SLC25A48: variants seen among roughly 807,000 people sequenced by gnomAD.
SLC25A48 encodes solute carrier family 25 member 48, also known as CTC-321K16.1.
SLC25A48 carries 29 observed loss-of-function variants against 32.2 expected under a neutral mutation model. That is an observed-to-expected ratio of 0.90 (90% confidence interval 0.67 to 1.23). The LOEUF (loss-of-function observed/expected upper bound fraction) is 1.23. Among genes scored for constraint, SLC25A48 ranks in the 50% most tolerant of loss-of-function variants. SLC25A48 has a pLI of 0.00. For missense variants in SLC25A48, 399 were observed against 422.7 expected (o/e 0.94, Z 0.49); for synonymous variants, 164 against 172.3 (o/e 0.95, Z 0.38).
At chr5:135,640,168 G>A (rs1417210602) in intron 3 of SLC25A48, among the ~76,000 whole-genome samples, 1 of 152,144 alleles carries the variant, frequency 6.6e-6, no homozygotes, top group Non-Finnish European at 1.5e-5. Flanking sequence ...TGCAGACTGT[G>A]GACGAAAGGG....
chr5:135,835,903 C>G (rs971848079), intron 1 of SLC25A48, among the ~76,000 whole-genome samples: 1 of 152,110 alleles, frequency 6.6e-6, no homozygotes, highest in Non-Finnish European at 1.5e-5. Flanking sequence ...CCTTCCTGAG[C>G]AGAGGTGGCT....
chr5:135,716,704 T>C (rs1054810191), intron 3 of SLC25A48, among the ~76,000 whole-genome samples: 11 of 152,208 alleles, frequency 7.2e-5, no homozygotes, highest in Non-Finnish European at 1.6e-4. Context: ...ATTCTATCTA[T>C]GTAAAAGGTC....
intron 3 of SLC25A48, among the ~76,000 whole-genome samples, chr5:135,778,444 G>A (rs1398666497): frequency 6.6e-6 from 1 of 151,416 alleles, no homozygotes. Flanking sequence ...GGTGTACACC[G>A]CCACCCCACC....
At chr5:135,643,071 G>A (rs1301811300) in intron 3 of SLC25A48, among the ~76,000 whole-genome samples, 1 of 152,220 alleles carries the variant, frequency 6.6e-6, no homozygotes, top group African/African-American at 2.4e-5. Context: ...CAGCAGTCTG[G>A]GGTGCGCTGA....
intron 4 of SLC25A48, among the ~76,000 whole-genome samples, chr5:135,816,909 G>T (rs1322175059): frequency 2.0e-5 from 3 of 152,080 alleles, no homozygotes; most frequent in African/African-American, 7.2e-5. Flanking sequence ...TACACAATTA[G>T]ATCTCAATAA....
At position 135,782,979 on chromosome 5, in the gene SLC25A48, A is replaced by G. The variant is rs1161874225; in HGVS notation, c.-520-29544A>G. 4.0e-4 allele frequency among the ~76,000 whole-genome samples: 45 copies of G among 111,950 alleles called. 16 individuals are homozygous for G. Among genetic ancestry groups the G allele is most frequent in the Non-Finnish European group, 8.3e-4 (37 of 44,622 alleles). The allele number at this position is 111,950 out of a possible 152,430, so 73.4% of individuals were successfully genotyped here. On this transcript the variant is annotated intron_variant, in intron 3 of 10. Transcript: ENST00000646290. Reference sequence around the variant, plus strand: ...CACTGTGATATTGTTCCTAACATCCAGGGGGGGAGAATGATATTATTTCCA... The same window carrying G: ...CACTGTGATATTGTTCCTAACATCCGGGGGGGGAGAATGATATTATTTCCA...
intron 3 of SLC25A48, among the ~76,000 whole-genome samples, chr5:135,796,010 G>GGC (rs1384487725): frequency 4.4e-5 from 1 of 22,972 alleles, no homozygotes; most frequent in Admixed American, 4.6e-4. Flanking sequence ...AGTATCGCGA[G>GGC]GGGGGGGTGG....
At chr5:135,857,290 T>G (rs1172293387) in intron 4 of SLC25A48, among the ~76,000 whole-genome samples, 1 of 152,128 alleles carries the variant, frequency 6.6e-6, no homozygotes, top group Non-Finnish European at 1.5e-5. Flanking sequence ...CTAGAAGCAT[T>G]TGGAGACTAG....
intron 7 of SLC25A48, among the ~76,000 whole-genome samples, chr5:135,880,515 G>C (rs928659157): frequency 6.6e-6 from 1 of 152,132 alleles, no homozygotes; most frequent in African/African-American, 2.4e-5. Context: ...GCCTGACTCT[G>C]AGAGCCACCC....
intron 3 of SLC25A48, among the ~76,000 whole-genome samples, chr5:135,746,525 C>T (rs530182070): frequency 2.0e-5 from 3 of 152,290 alleles, no homozygotes; most frequent in Non-Finnish European, 4.4e-5. Flanking sequence ...AGGTACAATC[C>T]GATTCTCCGG....
chr5:135,867,848 G>T (rs1199496299), intron 4 of SLC25A48, among the ~76,000 whole-genome samples: 1 of 152,130 alleles, frequency 6.6e-6, no homozygotes. Context: ...TACCACTATT[G>T]GTAGTGCTAG....
intron 3 of SLC25A48, among the ~76,000 whole-genome samples, chr5:135,753,406 A>C (rs922791608): frequency 2.0e-5 from 3 of 152,040 alleles, no homozygotes; most frequent in Non-Finnish European, 4.4e-5. Context: ...CACAGAGCGC[A>C]AACCCATGGT....
intron 3 of SLC25A48, among the ~76,000 whole-genome samples, chr5:135,761,456 T>A (rs1047675906): frequency 4.8e-4 from 73 of 152,072 alleles, no homozygotes; most frequent in African/African-American, 1.6e-3. Flanking sequence ...ATAATTAAAA[T>A]ATATATATAA....
chr5:135,664,597 A>G (rs1044307549), intron 3 of SLC25A48, among the ~76,000 whole-genome samples: 10 of 152,052 alleles, frequency 6.6e-5, no homozygotes, highest in African/African-American at 2.2e-4. Context: ...ACTTCCCCCT[A>G]AGTCTCCGTA....
rs1241913531 is a variant in SLC25A48, at chr5:135,886,678, GAGAGA to G, written c.*8-1353_*8-1349del. ...TGTGTGTGTGTGTGTGTGTGTGAGAGAGAGAGAGAGAGAGAGAGAGAGAGTGTGTG... is the reference window on the plus strand; with the variant it reads ...TGTGTGTGTGTGTGTGTGTGTGAGAGGAGAGAGAGAGAGAGAGAGTGTGTG... On this transcript the variant is annotated intron_variant, in intron 7 of 7. Transcript: ENST00000681962. Among the ~76,000 whole-genome samples the G allele has an allele frequency of 7.8e-4, 61 of 78,640 alleles. 2 individuals are homozygous for G. The highest frequency in any genetic ancestry group is 5.8e-3 in the Middle Eastern group (1 of 172). 51.6% of individuals were successfully genotyped at this position (78,640 alleles called of 152,430 possible).
intron 4 of SLC25A48, among the ~76,000 whole-genome samples, chr5:135,859,048 C>T (rs2126763612): frequency 6.6e-6 from 1 of 152,236 alleles, no homozygotes; most frequent in South Asian, 2.1e-4. Flanking sequence ...GGTTTTCTTT[C>T]AATTGCTCCT....
chr5:135,807,541 G>T (rs942628435), intron 3 of SLC25A48, among the ~76,000 whole-genome samples: 1 of 150,204 alleles, frequency 6.7e-6, no homozygotes, highest in South Asian at 2.1e-4. Context: ...GTTAACACAA[G>T]ATATTATAAA....
chr5:135,772,038 G>T (rs2126610133), intron 3 of SLC25A48, among the ~76,000 whole-genome samples: 1 of 151,562 alleles, frequency 6.6e-6, no homozygotes, highest in East Asian at 1.9e-4. Flanking sequence ...TATTCATAAT[G>T]GGAGAGGATG....
intron 3 of SLC25A48, among the ~76,000 whole-genome samples, chr5:135,692,665 G>A (rs1270875687): frequency 6.6e-6 from 1 of 152,134 alleles, no homozygotes; most frequent in Non-Finnish European, 1.5e-5. Flanking sequence ...AGAGCTTAGA[G>A]GAGCTGTCTT....
Sources: allele counts gnomAD v4.1 joint callset (sites outside exome capture counted in the v4.1 genomes callset), GRCh38; gene constraint gnomAD v4.1.1; transcripts MANE v1.5; gene names NCBI Gene and HGNC (gene_info 2026-07-23, HGNC 2026-07-21).